CHST9: variants seen among roughly 807,000 people sequenced by gnomAD.
The protein encoded by CHST9 is GalNAc-4-sulfotransferase 2.
A neutral mutation model predicts 44.4 loss-of-function variants in CHST9; 41 were observed. The ratio of observed to expected loss-of-function variants is 0.92; its 90% CI spans 0.72 to 1.20. The LOEUF is 1.20. Among genes scored for constraint, CHST9 ranks in the 50% most tolerant of loss-of-function variants. The pLI, the probability that CHST9 is intolerant of heterozygous loss-of-function variation, is 0.00. For missense variants in CHST9, 504 were observed against 516.5 expected (o/e 0.98, Z 0.23); for synonymous variants, 171 against 178.4 (o/e 0.96, Z 0.33).
At chr18:27,137,969 C>T (rs1187250443) in intron 2 of CHST9, among the ~76,000 whole-genome samples, 2 of 152,156 alleles carry the variant, frequency 1.3e-5, no homozygotes, top group African/African-American at 4.8e-5. Context: ...CCCTGCTCTC[C>T]TCTGGTCCTC....
chr18:26,965,867 TAGG>T (rs1178026282), intron 4 of CHST9, among the ~76,000 whole-genome samples: 2 of 151,978 alleles, frequency 1.3e-5, no homozygotes, highest in Non-Finnish European at 2.9e-5. Flanking sequence ...AAACATCTCA[TAGG>T]AGGACAAGAA....
chr18:26,990,181 A>T (rs1598619785), intron 4 of CHST9, among the ~76,000 whole-genome samples: 1 of 152,154 alleles, frequency 6.6e-6, no homozygotes. Context: ...TTTATGTAAA[A>T]CTCTAGAAAA....
intron 1 of CHST9, among the ~76,000 whole-genome samples, chr18:27,179,791 A>C (rs1337571458): frequency 6.6e-6 from 1 of 152,148 alleles, no homozygotes; most frequent in Non-Finnish European, 1.5e-5. Context: ...TCTATCTTCT[A>C]ACTCTAGAAC....
chr18:27,041,940 C>T (rs562929822), intron 3 of CHST9, among the ~76,000 whole-genome samples: 6 of 152,086 alleles, frequency 3.9e-5, no homozygotes, highest in South Asian at 2.1e-4. Context: ...AATATTGTTC[C>T]GAAACCATAA....
At chr18:27,139,127 T>A (rs2058542184) in intron 2 of CHST9, among the ~76,000 whole-genome samples, 1 of 152,162 alleles carries the variant, frequency 6.6e-6, no homozygotes, top group African/African-American at 2.4e-5. Context: ...GATTCTAAAG[T>A]ATTTTATTTT....
At chr18:27,112,367 AAC>A (rs1433884678) in intron 2 of CHST9, among the ~76,000 whole-genome samples, 1 of 151,438 alleles carries the variant, frequency 6.6e-6, no homozygotes, top group African/African-American at 2.4e-5. Flanking sequence ...CCGCAGTCTA[AAC>A]ACAGACTTTA....
At chr18:26,970,444 T>A (rs536302899) in intron 4 of CHST9, among the ~76,000 whole-genome samples, 30 of 152,258 alleles carry the variant, frequency 2.0e-4, no homozygotes, top group East Asian at 1.7e-3. Context: ...TATTATTATT[T>A]TTGAGACAGG....
Position 26,915,021 on chromosome 18 carries a change from T to C in CHST9, c.*1238A>G, listed in dbSNP as rs2055493846. On this transcript the variant is annotated 3_prime_UTR_variant, in exon 6 of 6. Coordinates refer to ENST00000618847, the MANE Select transcript of CHST9 (RefSeq NM_031422.6). The stretch of plus-strand genomic sequence containing the variant: ...TAATTTAGGATCCCTTGGAAAAAAA[T>C]TCCAAAATGCATTACAACTATTCAT... 5.0e-6 allele frequency: 2 copies of C among 397,760 alleles called. No individual in the cohort carries two copies. The highest frequency in any genetic ancestry group is 2.1e-5 in the African/African-American group (1 of 48,582). The allele number at this position is 397,760 out of a possible 1,614,324, so 24.6% of individuals were successfully genotyped here.
At chr18:26,963,325 T>A (rs552368073) in intron 4 of CHST9, among the ~76,000 whole-genome samples, 4 of 152,308 alleles carry the variant, frequency 2.6e-5, no homozygotes, top group Middle Eastern at 3.4e-3. Flanking sequence ...TTCTTCTAGA[T>A]GTGCACTTTC....
intron 4 of CHST9, among the ~76,000 whole-genome samples, chr18:26,977,272 G>A (rs1360018429): frequency 6.6e-6 from 1 of 151,916 alleles, no homozygotes; most frequent in East Asian, 1.9e-4. Context: ...AAGAAGATTG[G>A]GTCAAATACA....
intron 1 of CHST9, among the ~76,000 whole-genome samples, chr18:27,169,598 C>CTTTTTTTT (rs1156859087): frequency 3.3e-4 from 27 of 82,162 alleles, no homozygotes; most frequent in African/African-American, 1.3e-3. Flanking sequence ...ATATATTCTT[C>CTTTTTTTT]TTTTTTTTTT....
intron 3 of CHST9, among the ~76,000 whole-genome samples, chr18:27,027,888 C>G (rs1321633682): frequency 6.6e-6 from 1 of 152,058 alleles, no homozygotes; most frequent in Admixed American, 6.6e-5. Flanking sequence ...AATTCTATAG[C>G]CTTTATTTTA....
Position 26,947,943 on chromosome 18 carries a change from C to T in CHST9, c.203-3577G>A, listed in dbSNP as rs184554394. 4.2e-3 allele frequency among the ~76,000 whole-genome samples: 640 copies of T among 152,242 alleles called. 5 individuals are homozygous for T. Among genetic ancestry groups the T allele is most frequent in the African/African-American group, 0.014 (598 of 41,546 alleles). ...AATCATTCTACTATAAAGACACATG[C>T]GAACGTATGTTTATTGCAGCACTGT... is the stretch of plus-strand genomic sequence containing the variant. On this transcript the variant is annotated intron_variant, in intron 4 of 5. Coordinates refer to ENST00000618847, the MANE Select transcript of CHST9 (RefSeq NM_031422.6).
intron 3 of CHST9, among the ~76,000 whole-genome samples, chr18:27,030,085 T>C (rs943713816): frequency 4.6e-5 from 7 of 152,242 alleles, no homozygotes; most frequent in Non-Finnish European, 1.0e-4. Flanking sequence ...GTTAATTTCC[T>C]TGGCACTTCC....
chr18:27,099,691 T>C (rs927888251), intron 2 of CHST9, among the ~76,000 whole-genome samples: 19 of 152,010 alleles, frequency 1.2e-4, no homozygotes, highest in African/African-American at 4.6e-4. Context: ...AGAATAGGTA[T>C]TGGTTTACAA....
At chr18:27,140,028 A>G (rs1246654202) in intron 2 of CHST9, among the ~76,000 whole-genome samples, 1 of 152,198 alleles carries the variant, frequency 6.6e-6, no homozygotes, top group East Asian at 1.9e-4. Context: ...AAACCTAGGT[A>G]TGGGTTACAC....
chr18:27,129,451 G>A (rs2058453908), intron 2 of CHST9, among the ~76,000 whole-genome samples: 1 of 151,878 alleles, frequency 6.6e-6, no homozygotes, highest in Non-Finnish European at 1.5e-5. Context: ...GCAGTGCAGT[G>A]GCATGATCAC....
At chr18:27,105,812 T>C (rs1567917421) in intron 2 of CHST9, among the ~76,000 whole-genome samples, 1 of 136,776 alleles carries the variant, frequency 7.3e-6, no homozygotes, top group South Asian at 2.6e-4. Context: ...ACACAGGCAA[T>C]AATCTGTTTT....
At chr18:27,139,328 C>T (rs2058545003) in intron 2 of CHST9, among the ~76,000 whole-genome samples, 1 of 152,058 alleles carries the variant, frequency 6.6e-6, no homozygotes, top group Non-Finnish European at 1.5e-5. Context: ...CAAACCAGCT[C>T]ATCTTTCAAA....
Sources: allele counts gnomAD v4.1 joint callset (sites outside exome capture counted in the v4.1 genomes callset), GRCh38; gene constraint gnomAD v4.1.1; transcripts MANE v1.5; gene names NCBI Gene and HGNC (gene_info 2026-07-23, HGNC 2026-07-21).